PDE1C: variants seen among roughly 807,000 people sequenced by gnomAD.
PDE1C encodes dual specificity calcium/calmodulin-dependent 3',5'-cyclic nucleotide phosphodiesterase 1C.
Under a neutral mutation model 93.1 loss-of-function variants are expected in PDE1C, and 62 were observed. The observed-to-expected ratio is 0.67, with a 90% CI of 0.54 to 0.82. The LOEUF (loss-of-function observed/expected upper bound fraction) is 0.82. Among genes scored for constraint, PDE1C ranks in the 40% least tolerant of loss-of-function variants. The pLI, the probability that PDE1C is intolerant of heterozygous loss-of-function variation, is 0.00. For missense variants in PDE1C, 742 were observed against 884.6 expected, an observed-to-expected ratio of 0.84 and a Z score of 2.04; for synonymous variants, 325 against 310.1, an observed-to-expected ratio of 1.05 and a Z score of -0.50.
chr7:32,154,166 G>C (rs1480969526), intron 3 of PDE1C, among the ~76,000 whole-genome samples: 2 of 152,144 alleles, frequency 1.3e-5, no homozygotes, highest in Non-Finnish European at 2.9e-5. Context: ...GGCTGAGGTA[G>C]GAGGATCACC....
intron 2 of PDE1C, among the ~76,000 whole-genome samples, chr7:31,900,305 A>T (rs982269729): frequency 6.6e-5 from 10 of 152,162 alleles, no homozygotes; most frequent in African/African-American, 2.4e-4. Context: ...AAATTATTTT[A>T]TCAAATGCTT....
At chr7:31,673,712 GTTTT>G in the PDE1C span, among the ~76,000 whole-genome samples, 1 of 148,884 alleles carries the variant, frequency 6.7e-6, no homozygotes, top group African/African-American at 2.5e-5. Context: ...GTAGAAACTA[GTTTT>G]TTTTTTTTTA....
intron 2 of PDE1C, among the ~76,000 whole-genome samples, chr7:31,903,906 G>A (rs1195235743): frequency 6.6e-6 from 1 of 151,944 alleles, no homozygotes; most frequent in African/African-American, 2.4e-5. Context: ...CAGTTCTTTG[G>A]GTATCTCTAT....
chr7:32,403,323 T>C (rs1784987600), intron 1 of PDE1C, among the ~76,000 whole-genome samples: 1 of 152,214 alleles, frequency 6.6e-6, no homozygotes, highest in South Asian at 2.1e-4. Context: ...TATTTCCCCC[T>C]CTCTCCACTG....
chr7:31,726,668 A>G, the PDE1C span, among the ~76,000 whole-genome samples: 7 of 152,214 alleles, frequency 4.6e-5, no homozygotes, highest in African/African-American at 9.6e-5. Flanking sequence ...ATCTTGGCCA[A>G]TATGAGTGAC....
intron 1 of PDE1C, among the ~76,000 whole-genome samples, chr7:32,365,804 C>T (rs1344932430): frequency 6.6e-6 from 1 of 152,120 alleles, no homozygotes; most frequent in Non-Finnish European, 1.5e-5. Flanking sequence ...ATCTCTCAGC[C>T]TAGACCACTG....
chr7:31,840,036 C>T (rs1185499008), intron 9 of PDE1C, among the ~76,000 whole-genome samples: 1 of 151,984 alleles, frequency 6.6e-6, no homozygotes, highest in South Asian at 2.1e-4. Flanking sequence ...GACTGCATCT[C>T]AATTAAAAAA....
At chr7:31,868,544 T>G (rs34908798) in intron 6 of PDE1C, among the ~76,000 whole-genome samples, 1 of 152,102 alleles carries the variant, frequency 6.6e-6, no homozygotes, top group Non-Finnish European at 1.5e-5. Flanking sequence ...ATGTGGCGAA[T>G]GGACCACCAT....
At chr7:31,645,117 G>T in the PDE1C span, among the ~76,000 whole-genome samples, 1 of 152,158 alleles carries the variant, frequency 6.6e-6, no homozygotes, top group Non-Finnish European at 1.5e-5. Context: ...ATGACTAAGT[G>T]GGAAGTCCAA....
intron 6 of PDE1C, among the ~76,000 whole-genome samples, chr7:31,869,396 C>T (rs1395210000): frequency 2.0e-5 from 3 of 151,870 alleles, no homozygotes; most frequent in Non-Finnish European, 4.4e-5. Context: ...CCTGTAAAGA[C>T]ACATGTAGAC....
At chr7:32,083,780 A>C (rs959394287) in intron 3 of PDE1C, among the ~76,000 whole-genome samples, 1 of 152,142 alleles carries the variant, frequency 6.6e-6, no homozygotes, top group African/African-American at 2.4e-5. Flanking sequence ...GAAATAAAAT[A>C]CTTTACAGAC....
chr7:31,619,838 A>C, the PDE1C span, among the ~76,000 whole-genome samples: 1 of 152,186 alleles, frequency 6.6e-6, no homozygotes, highest in Non-Finnish European at 1.5e-5. Context: ...GGGGTCAGGG[A>C]GTTCCCTTTC....
chr7:32,424,592 G>A (rs184178761), intron 1 of PDE1C, among the ~76,000 whole-genome samples: 117 of 152,278 alleles, frequency 7.7e-4, no homozygotes, highest in Middle Eastern at 3.4e-3. Context: ...GGCTAAGGCA[G>A]ACAGATCACT....
chr7:32,074,745 C>T (rs1049034691), upstream of PDE1C, among the ~76,000 whole-genome samples: 7 of 152,122 alleles, frequency 4.6e-5, no homozygotes, highest in Non-Finnish European at 1.0e-4. Context: ...AAATTGTTTG[C>T]ATGAAAGGTG....
intron 3 of PDE1C, among the ~76,000 whole-genome samples, chr7:32,079,530 T>A (rs1169954544): frequency 6.6e-6 from 1 of 152,220 alleles, no homozygotes; most frequent in Admixed American, 6.5e-5. Flanking sequence ...AGTTCTTCTG[T>A]TGGTCTTGTT....
chr7:31,691,937 C>T, the PDE1C span, among the ~76,000 whole-genome samples: 1 of 151,888 alleles, frequency 6.6e-6, no homozygotes, highest in African/African-American at 2.4e-5. Flanking sequence ...CTGTATATAG[C>T]CTTGGCTATT....
chr7:32,299,499 T>C, upstream of PDE1C: 2 of 823,722 alleles, frequency 2.4e-6, no homozygotes, highest in South Asian at 1.1e-4. Flanking sequence ...TTACCAACCA[T>C]TCCAAATAGC....
intron 3 of PDE1C, among the ~76,000 whole-genome samples, chr7:32,091,150 G>T (rs1408204398): frequency 1.3e-5 from 2 of 152,164 alleles, no homozygotes; most frequent in African/African-American, 2.4e-5. Flanking sequence ...CTCCTTGAAT[G>T]AATTAATTAT....
chr7:32,012,862 C>A (rs558266088), intron 2 of PDE1C, among the ~76,000 whole-genome samples: 1 of 152,258 alleles, frequency 6.6e-6, no homozygotes, highest in Admixed American at 6.5e-5. Context: ...AGCAAGTTAT[C>A]TTTGAGCCTC....
Sources: gnomAD v4.1 joint callset for allele counts (sites outside exome capture counted in the v4.1 genomes callset) on GRCh38, gnomAD v4.1.1 for gene constraint, MANE v1.5 for transcripts, NCBI Gene and HGNC (gene_info 2026-07-23, HGNC 2026-07-21) for gene names.